Variants in ABLIM2 observed in about 807,000 individuals in gnomAD.
ABLIM2 encodes actin binding LIM protein family member 2.
A neutral mutation model predicts 97.7 loss-of-function variants in ABLIM2; 53 were observed. The ratio of observed to expected loss-of-function variants is 0.54; its 90% confidence interval spans 0.44 to 0.68. ABLIM2 has a LOEUF of 0.68. ABLIM2 is among the 30% of genes least tolerant of loss of function. The pLI is 0.00. For synonymous variants in ABLIM2, 361 were observed against 345.8 expected (o/e 1.04, Z -0.49); for missense variants, 835 against 867.2 (o/e 0.96, Z 0.47).
chr4:8,043,916 C>T lies in ABLIM2; in HGVS notation c.900+1248G>A, dbSNP rs954788799. Among the ~76,000 whole-genome samples the T allele has an allele frequency of 1.3e-5, 2 of 151,864 alleles. No individual in the cohort carries two copies. The highest frequency in any genetic ancestry group is 2.9e-5 in the Non-Finnish European group (2 of 67,952). On this transcript the variant is annotated intron_variant, in intron 9 of 20. Transcript: ENST00000447017. The surrounding 1 kb of genome is among the most constrained non-coding windows in gnomAD (Gnocchi z 4.8). ...GAGGCTCCAGGCGGGCGGCACCTCG[C>T]CCAGGGCATGCAGCCAACCTGGTGC...
rs41266515 is a variant in ABLIM2 at position 8,019,664 on chromosome 4, G to T, written c.1377C>A (p.Gly459=). ...GTTTCCTATAGATGTTATCTTTTAC[G>T]CCAGTGTCTGGGGAAGAAGAAAGAA... ...APRHFHVPDT[G]VKDNIYRKPP... The change falls in exon 14 of 21, where the codon GGC becomes GGA. Residue 459 remains glycine, a synonymous_variant. Transcript: ENST00000447017. This position sits in a 1 kb window ranked among gnomAD's most constrained non-coding sequence, Gnocchi z 4.3. 3.7e-6 allele frequency: 6 copies of T among 1,611,918 alleles called. No homozygotes were observed. The highest frequency in any genetic ancestry group is 1.7e-5 in the Admixed American group (1 of 59,672).
intron 14 of ABLIM2, among the ~76,000 whole-genome samples, chr4:8,013,947 C>T (rs1212325300): frequency 1.3e-5 from 2 of 152,200 alleles, no homozygotes; most frequent in South Asian, 2.1e-4. Context: ...CCCTCTTTGG[C>T]GGCATCAACA....
intron 1 of ABLIM2, among the ~76,000 whole-genome samples, chr4:8,110,989 G>A (rs550008511): frequency 7.9e-5 from 12 of 152,356 alleles, no homozygotes; most frequent in African/African-American, 2.9e-4. Context: ...CGGCTAGGGG[G>A]GCAACAGCCA....
chr4:8,137,239 A>C (rs1407105633), intron 1 of ABLIM2, among the ~76,000 whole-genome samples: 1 of 151,708 alleles, frequency 6.6e-6, no homozygotes, highest in Non-Finnish European at 1.5e-5. Flanking sequence ...GGACCCCCCC[A>C]CTCTGCTTTA....
intron 5 of ABLIM2, among the ~76,000 whole-genome samples, chr4:8,077,963 A>G (rs1203694072): frequency 2.6e-5 from 4 of 152,214 alleles, no homozygotes; most frequent in Admixed American, 6.5e-5. Flanking sequence ...AGGCCAGACC[A>G]CCTGCCCAGT....
rs1239341667 is a variant in ABLIM2, at chr4:7,996,093, G to C, written c.1619-3166C>G. ...GCCCGAGGGCCCCTCCAGCTGCAGC[G>C]GGAGCTCCTTATCAGCAAAGGTGCT... On this transcript the variant is annotated intron_variant, in intron 16 of 20. Transcript: ENST00000447017. This position sits in a 1 kb window ranked among gnomAD's most constrained non-coding sequence, Gnocchi z 4.5. Among the ~76,000 whole-genome samples, 3 of 152,242 alleles carry C rather than the reference G, an allele frequency of 2.0e-5. No homozygotes were observed. The highest frequency in any genetic ancestry group is 3.9e-4 in the East Asian group (2 of 5,172).
chr4:8,091,878 AT>A (rs567528491), intron 3 of ABLIM2, among the ~76,000 whole-genome samples: 9 of 92,914 alleles, frequency 9.7e-5, no homozygotes, highest in Non-Finnish European at 1.7e-4. Context: ...TACAATATAT[AT>A]TATAATATAT....
chr4:8,051,315 G>A (rs977219429), intron 8 of ABLIM2, among the ~76,000 whole-genome samples: 15 of 152,176 alleles, frequency 9.9e-5, no homozygotes, highest in Middle Eastern at 3.2e-3. Flanking sequence ...TTGGGAGGCC[G>A]AGGCGGGCGG....
In ABLIM2 at chr4:7,988,353, T is replaced by C. The variant is rs1329495368; in HGVS notation, c.1681-3460A>G. On this transcript the variant is annotated intron_variant, in intron 17 of 20. Coordinates refer to ENST00000447017, the MANE Select transcript of ABLIM2 (RefSeq NM_001130083.2). ...AGCACTTCTTACGTGCCTGTGGCTC[T>C]ATAGGTACATTCTCTAACCTTTGCT... is the stretch of plus-strand genomic sequence containing the variant. Among the ~76,000 whole-genome samples the C allele has an allele frequency of 2.0e-5, 3 of 150,268 alleles. No homozygotes were observed. In the East Asian group the frequency reaches 6.5e-4, roughly 33 times the overall value.
rs1246107619 is a variant in ABLIM2, at chr4:8,015,410, G to A, written c.1423+4208C>T. On this transcript the variant is annotated intron_variant, in intron 14 of 20. Transcript: ENST00000447017. This position sits in a 1 kb window ranked among gnomAD's most constrained non-coding sequence, Gnocchi z 4.6. Reference sequence around the variant, plus strand: ...GGGGAGCCTCAGTGGGGGCTTCCCAGTGCAATCCGCACTCTGGACACAGCC... The same window carrying A: ...GGGGAGCCTCAGTGGGGGCTTCCCAATGCAATCCGCACTCTGGACACAGCC... Among the ~76,000 whole-genome samples the A allele has an allele frequency of 2.6e-5, 4 of 152,154 alleles. No homozygotes were observed. Among genetic ancestry groups the A allele is most frequent in the African/African-American group, 9.6e-5 (4 of 41,532 alleles).
At chr4:8,152,965 C>G (rs1330536018) in intron 1 of ABLIM2, among the ~76,000 whole-genome samples, 1 of 152,160 alleles carries the variant, frequency 6.6e-6, no homozygotes, top group East Asian at 1.9e-4. Context: ...GGAGCCCTAC[C>G]CAGGCAGAGG....
chr4:8,005,253 G>T lies in ABLIM2; in HGVS notation c.1618+2806C>A. 1 of 512,600 alleles carries T rather than the reference G, an allele frequency of 2.0e-6. No individual in the cohort carries two copies. Among genetic ancestry groups the T allele is most frequent in the Non-Finnish European group, 4.1e-6 (1 of 245,320 alleles). 31.8% of individuals were successfully genotyped at this position (512,600 alleles called of 1,614,324 possible). ...CCCTGCACGCTTCTCCAGGTCAGGG[G>T]CTGCTCTTGTCTTCTCTGTCCCCCT... On this transcript the variant is annotated intron_variant, in intron 16 of 20. Coordinates refer to ENST00000447017, the MANE Select transcript of ABLIM2 (RefSeq NM_001130083.2). The surrounding 1 kb of genome is among the most constrained non-coding windows in gnomAD (Gnocchi z 4.9).
chr4:8,021,692 T>C lies in ABLIM2; in HGVS notation c.1268-1389A>G, dbSNP rs1295378552. Among the ~76,000 whole-genome samples the C allele has an allele frequency of 6.6e-6, 1 of 152,220 alleles. No homozygotes were observed. Among genetic ancestry groups the C allele is most frequent in the African/African-American group, 2.4e-5 (1 of 41,468 alleles). On this transcript the variant is annotated intron_variant, in intron 12 of 20. Coordinates refer to ENST00000447017, the MANE Select transcript of ABLIM2 (RefSeq NM_001130083.2). This position sits in a 1 kb window ranked among gnomAD's most constrained non-coding sequence, Gnocchi z 5.5. ...CACTGGCCCAGAGGGGGCTCTTGCCTGGTGGTGGGCTGCATGCAGCGGGAG... is the reference window on the plus strand; with the variant it reads ...CACTGGCCCAGAGGGGGCTCTTGCCCGGTGGTGGGCTGCATGCAGCGGGAG...
intron 17 of ABLIM2, among the ~76,000 whole-genome samples, chr4:7,988,822 T>G (rs997123959): frequency 1.4e-4 from 21 of 152,182 alleles, no homozygotes; most frequent in African/African-American, 5.1e-4. Flanking sequence ...GAGCTGGGAT[T>G]TGAACTCAGG....
chr4:8,054,578 G>C lies in ABLIM2; in HGVS notation c.764-332C>G, dbSNP rs746247506. On this transcript the variant is annotated intron_variant, in intron 7 of 20. Transcript: ENST00000447017. The surrounding 1 kb of genome is among the most constrained non-coding windows in gnomAD (Gnocchi z 4.9). Reference sequence around the variant, plus strand: ...GGGCAGCTGGAAGATTCTTCTCTGAGGAGGGGGTATTTGAAGGGGTTTCAA... The same window carrying C: ...GGGCAGCTGGAAGATTCTTCTCTGACGAGGGGGTATTTGAAGGGGTTTCAA... Among the ~76,000 whole-genome samples, 4 of 152,234 alleles carry C rather than the reference G, an allele frequency of 2.6e-5. No homozygotes were observed. Among genetic ancestry groups the C allele is most frequent in the Non-Finnish European group, 5.9e-5 (4 of 68,044 alleles).
chr4:8,000,364 G>A (rs749641664), intron 16 of ABLIM2, among the ~76,000 whole-genome samples: 4 of 152,112 alleles, frequency 2.6e-5, no homozygotes, highest in Non-Finnish European at 2.9e-5. Flanking sequence ...ACCCCCACAT[G>A]CTCCCTGGCA....
At position 7,983,285 on chromosome 4, in the gene ABLIM2, G is replaced by C. The variant is rs765667522; in HGVS notation, c.1803C>G (p.Asp601Glu). Residue 601 changes from aspartate (D) to glutamate (E), a missense_variant, in exon 20 of 21, where the codon GAC becomes GAG. By Grantham distance (45) the Asp-to-Glu change is conservative. Transcript: ENST00000447017. ...TNRIRVKLPK[D>E]VDRTRLERHL... ...TTACCTCCAGTCTCGTCCGGTCCAC[G>C]TCTTTGGGCAGTTTCACGCGAATTC... is the stretch of plus-strand genomic sequence containing the variant. 6.2e-7 allele frequency: 1 copy of C among 1,611,910 alleles called. No homozygotes were observed. The highest frequency in any genetic ancestry group is 8.5e-7 in the Non-Finnish European group (1 of 1,179,374).
At chr4:8,077,758 C>A in intron 5 of ABLIM2, 37 bp from the exon 6 acceptor site, 1 of 1,562,192 alleles carries the variant, frequency 6.4e-7, no homozygotes, top group Non-Finnish European at 8.7e-7. Flanking sequence ...GGGCGGGTGT[C>A]GCCCGAGGAC....
At chr4:8,009,628 T>TTGAGG (rs1313372590) in intron 14 of ABLIM2, among the ~76,000 whole-genome samples, 8 of 152,124 alleles carry the variant, frequency 5.3e-5, no homozygotes, top group African/African-American at 1.9e-4. Context: ...ACTCTTGATC[T>TTGAGG]CAAGTAATCC....
Sources: allele counts gnomAD v4.1 joint callset (sites outside exome capture counted in the v4.1 genomes callset), GRCh38; gene constraint gnomAD v4.1.1; non-coding constraint Gnocchi (gnomAD v3.1); transcripts MANE v1.5; gene names NCBI Gene and HGNC (gene_info 2026-07-23, HGNC 2026-07-21).